Variants in RIPK4 observed in about 807,000 individuals in gnomAD.
The protein encoded by RIPK4 is receptor interacting serine/threonine kinase 4, also known as receptor-interacting serine/threonine-protein kinase 4.
A neutral mutation model predicts 42.9 loss-of-function variants in RIPK4; 17 were observed. The ratio of observed to expected loss-of-function variants is 0.40; its 90% CI spans 0.27 to 0.59. The LOEUF is 0.59. RIPK4 is among the 20% of genes least tolerant of loss of function. The pLI is 0.47. For synonymous variants in RIPK4, 498 were observed against 499.1 expected (o/e 1.00, Z 0.03); for missense variants, 897 against 1,104.4 (o/e 0.81, Z 2.66).
intron 1 of RIPK4, among the ~76,000 whole-genome samples, chr21:41,763,971 C>T (rs1204643985): frequency 2.0e-5 from 3 of 152,112 alleles, no homozygotes; most frequent in Non-Finnish European, 2.9e-5. Flanking sequence ...CCCTGTGACC[C>T]CCACAATGAG....
rs1284158495 is a variant in RIPK4 at position 41,767,048 on chromosome 21, C to G, written c.-7G>C. 5 of 1,541,772 alleles carry G rather than the reference C, an allele frequency of 3.2e-6. No individual in the cohort carries two copies. The highest frequency in any genetic ancestry group is 3.5e-6 in the Non-Finnish European group (4 of 1,150,804). On this transcript the variant is annotated 5_prime_UTR_variant, in exon 1 of 8. Transcript: ENST00000332512. The surrounding 1 kb of genome is among the most constrained non-coding windows in gnomAD (Gnocchi z 4.0). Reference sequence around the variant, plus strand: ...TCCCGCCGTCGCCCTCCATCGCGCACGTCTAGCCAGCGCCGCGGCGGCTGC... The same window carrying G: ...TCCCGCCGTCGCCCTCCATCGCGCAGGTCTAGCCAGCGCCGCGGCGGCTGC...
chr21:41,746,501 C>T (rs545422589), intron 5 of RIPK4, 112 bp downstream of exon 5: 4 of 1,328,308 alleles, frequency 3.0e-6, no homozygotes, highest in Non-Finnish European at 4.1e-6. Flanking sequence ...TTCGGCCCAC[C>T]TGTTACACGC....
In RIPK4 at chr21:41,751,469, C is replaced by CGGGCAG. The variant is rs2061188222; in HGVS notation, c.475-230_475-225dup. Among the ~76,000 whole-genome samples the CGGGCAG allele has an allele frequency of 1.3e-5, 2 of 152,176 alleles. No homozygotes were observed. Among genetic ancestry groups the CGGGCAG allele is most frequent in the Non-Finnish European group, 2.9e-5 (2 of 68,038 alleles). On this transcript the variant is annotated intron_variant, in intron 2 of 7. Coordinates refer to ENST00000332512, the MANE Select transcript of RIPK4 (RefSeq NM_020639.3). This position sits in a 1 kb window ranked among gnomAD's most constrained non-coding sequence, Gnocchi z 4.5. ...GAGGCATTAGGAGCAGCACATTTGA[C>CGGGCAG]GGGCAGGTGAAAGAATCGTACTGTA...
intron 1 of RIPK4, among the ~76,000 whole-genome samples, chr21:41,758,041 TAG>T (rs71188681): frequency 0.05 from 2,907 of 58,112 alleles, 125 homozygotes; most frequent in Middle Eastern, 0.057. Context: ...TATATATATA[TAG>T]AGAGAGAGAG....
chr21:41,758,466 A>G (rs2061211681), intron 1 of RIPK4, among the ~76,000 whole-genome samples: 1 of 152,232 alleles, frequency 6.6e-6, no homozygotes, highest in African/African-American at 2.4e-5. Context: ...TCGTGGGTGC[A>G]GGCCATTTCC....
intron 1 of RIPK4, among the ~76,000 whole-genome samples, chr21:41,757,321 G>T (rs2061206625): frequency 6.6e-6 from 1 of 151,998 alleles, no homozygotes; most frequent in Non-Finnish European, 1.5e-5. Context: ...AGGAGTTCGA[G>T]ACCAGCCTGG....
chr21:41,756,188 C>T (rs545287329), intron 2 of RIPK4, among the ~76,000 whole-genome samples: 4 of 152,294 alleles, frequency 2.6e-5, no homozygotes, highest in South Asian at 4.1e-4. Flanking sequence ...ACCTGGCCCA[C>T]GGGCTGAATT....
Position 41,742,399 on chromosome 21 carries a change from G to T in RIPK4, c.1196-402C>A, listed in dbSNP as rs1182515210. ...GGAAGCCTTGGCACCTGCCACCCAC[G>T]GACGCCCCAGGCCTAGCAGCCTGCA... is the stretch of plus-strand genomic sequence containing the variant. On this transcript the variant is annotated intron_variant, in intron 7 of 7. Transcript: ENST00000332512. The surrounding 1 kb of genome is among the most constrained non-coding windows in gnomAD (Gnocchi z 5.1). Among the ~76,000 whole-genome samples, 2 of 152,174 alleles carry T rather than the reference G, an allele frequency of 1.3e-5. No individual in the cohort carries two copies. Among genetic ancestry groups the T allele is most frequent in the African/African-American group, 4.8e-5 (2 of 41,434 alleles).
In RIPK4 at chr21:41,741,970, T is replaced by G; in HGVS notation, c.1223A>C (p.Lys408Thr). The G allele has an allele frequency of 6.2e-7, 1 of 1,603,342 alleles. No homozygotes were observed. The highest frequency in any genetic ancestry group is 1.1e-5 in the South Asian group (1 of 89,870). ...GGACACGATGGCATCCACAAGCTTCTTCTTCTGGACGTCTGTGGTGCCCAG... is the reference window on the plus strand; with the variant it reads ...GGACACGATGGCATCCACAAGCTTCGTCTTCTGGACGTCTGTGGTGCCCAG... ...SDLGTTDVQK[K>T]KLVDAIVSGD... The change falls in exon 8 of 8, where the codon AAG (lysine) becomes ACG (threonine). Residue 408 changes from lysine (K) to threonine (T), a missense_variant. Transcript: ENST00000332512.
Position 41,746,718 on chromosome 21 carries a change from C to T in RIPK4, c.727G>A (p.Glu243Lys), listed in dbSNP as rs762385012. 10 of 1,609,078 alleles carry T rather than the reference C, an allele frequency of 6.2e-6. No homozygotes were observed. In the African/African-American group the frequency reaches 6.7e-5, roughly 11 times the overall value. The change falls in exon 5 of 8, where the codon GAG (glutamate) becomes AAG (lysine). Residue 243 changes from glutamate (E) to lysine (K), a missense_variant. Coordinates refer to ENST00000332512, the MANE Select transcript of RIPK4 (RefSeq NM_020639.3). ...MVKVVKGHRP[E>K]LPPVCRARPR... ...CGGGCTCTGCACACGGGCGGCAGCT[C>T]GGGGCGGTGGCCCTTCACCACCTTC... is the stretch of plus-strand genomic sequence containing the variant.
rs773070455 is a variant in RIPK4, at chr21:41,741,512, C to G, written c.1681G>C (p.Val561Leu). 6.2e-7 allele frequency: 1 copy of G among 1,612,528 alleles called. No individual in the cohort carries two copies. The highest frequency in any genetic ancestry group is 1.7e-5 in the Admixed American group (1 of 60,018). ...TCCTTGCCCTGCAGGCTCACGTCCA[C>G]GCCTCGGCGCAGCAGGATGCGCACG... ...NIVRILLRRG[V>L]DVSLQGKDAW... The change falls in exon 8 of 8, where the codon GTG becomes CTG. Residue 561 changes from valine to leucine, a missense_variant. Coordinates refer to ENST00000332512, the MANE Select transcript of RIPK4 (RefSeq NM_020639.3).
Position 41,765,608 on chromosome 21 carries a change from C to T in RIPK4, c.182+1252G>A, listed in dbSNP as rs116965155. On this transcript the variant is annotated intron_variant, in intron 1 of 7. Coordinates refer to ENST00000332512, the MANE Select transcript of RIPK4 (RefSeq NM_020639.3). ...CACGCACTGCCACCCCAGACACAGG[C>T]ATCACAACGATTCTGCAGAAAAGCT... Among the ~76,000 whole-genome samples the T allele has an allele frequency of 4.0e-4, 61 of 152,338 alleles. 1 individual carries two copies. In the East Asian group the frequency reaches 0.011, roughly 27 times the overall value.
intron 3 of RIPK4, among the ~76,000 whole-genome samples, chr21:41,750,820 G>C (rs2061186222): frequency 6.6e-6 from 1 of 152,122 alleles, no homozygotes; most frequent in African/African-American, 2.4e-5. Flanking sequence ...TGGGACTACA[G>C]GTGCACGCCA....
rs1432468832 is a variant in RIPK4 at position 41,751,279 on chromosome 21, C to G, written c.475-34G>C. On this transcript the variant is annotated intron_variant, in intron 2 of 7. Coordinates refer to ENST00000332512, the MANE Select transcript of RIPK4 (RefSeq NM_020639.3). This position sits in a 1 kb window ranked among gnomAD's most constrained non-coding sequence, Gnocchi z 4.5. ...CAGCCATCAGAGCGGGGCTCATTAGCCTGCAACAGTGATATTTTATGATGC... is the reference window on the plus strand; with the variant it reads ...CAGCCATCAGAGCGGGGCTCATTAGGCTGCAACAGTGATATTTTATGATGC... The G allele has an allele frequency of 1.2e-6, 2 of 1,608,706 alleles. No individual in the cohort carries two copies. The highest frequency in any genetic ancestry group is 2.2e-5 in the South Asian group (2 of 90,610).
At chr21:41,760,534 G>A (rs1481842267) in intron 1 of RIPK4, among the ~76,000 whole-genome samples, 5 of 152,228 alleles carry the variant, frequency 3.3e-5, no homozygotes, top group South Asian at 2.1e-4. Flanking sequence ...AGGGGCACCC[G>A]GGAGGCCAGC....
chr21:41,749,176 G>A lies in RIPK4; in HGVS notation c.651C>T (p.Leu217=), dbSNP rs779147255. The change falls in exon 4 of 8, where the codon CTC becomes CTT. Residue 217 remains leucine (L), a synonymous_variant. Coordinates refer to ENST00000332512, the MANE Select transcript of RIPK4 (RefSeq NM_020639.3). ...CACCTGCAAACGGCTTCTTCTGTGT[G>A]AGCACGCCCCAGATGACGATCGCAA... ...YSFAIVIWGV[L]TQKKPFADEK... 5.0e-6 allele frequency: 8 copies of A among 1,613,774 alleles called. No individual in the cohort carries two copies. Among genetic ancestry groups the A allele is most frequent in the Non-Finnish European group, 5.1e-6 (6 of 1,179,928 alleles).
Position 41,743,900 on chromosome 21 carries a change from G to A in RIPK4, c.1177C>T (p.Arg393Trp), listed in dbSNP as rs141192148. 25 of 1,606,662 alleles carry A rather than the reference G, an allele frequency of 1.6e-5. No homozygotes were observed. The highest frequency in any genetic ancestry group is 2.7e-5 in the African/African-American group (2 of 74,614). The change falls in exon 7 of 8, where the codon CGG (arginine) becomes TGG (tryptophan). Residue 393 changes from arginine to tryptophan, a missense_variant. Physicochemically the swap from Arg to Trp is moderately radical, Grantham distance 101. Coordinates refer to ENST00000332512, the MANE Select transcript of RIPK4 (RefSeq NM_020639.3). ...CACTCACCGCTGGTTGAAGGTTCCC[G>A]CTCAAAGGACAGCGACAGTGATCCT... ...SRGSLSLSFE[R>W]EPSTSDLGTT...
At position 41,766,494 on chromosome 21, in the gene RIPK4, G is replaced by A. The variant is rs541576717; in HGVS notation, c.182+366C>T. 3.9e-3 allele frequency among the ~76,000 whole-genome samples: 592 copies of A among 152,292 alleles called. 4 individuals carry two copies. The highest frequency in any genetic ancestry group is 0.027 in the Middle Eastern group (8 of 292). On this transcript the variant is annotated intron_variant, in intron 1 of 7. Transcript: ENST00000332512. Reference sequence around the variant, plus strand: ...CCAAGGGCGCGGGTCCGAGGCGCAAGGCGAGCTGGAGACCCCGAAAACCAG... The same window carrying A: ...CCAAGGGCGCGGGTCCGAGGCGCAAAGCGAGCTGGAGACCCCGAAAACCAG...
rs371153250 is a variant in RIPK4 at position 41,746,082 on chromosome 21, G to A, written c.833-220C>T. The A allele has an allele frequency of 7.1e-4, 505 of 707,642 alleles. 1 individual carries two copies. Among genetic ancestry groups the A allele is most frequent in the Middle Eastern group, 4.2e-3 (18 of 4,312 alleles). The allele number at this position is 707,642 out of a possible 1,614,324, so 43.8% of individuals were successfully genotyped here. A position where few individuals can be genotyped will look rare whatever the true frequency, so the allele number is the denominator to read the frequency against. On this transcript the variant is annotated intron_variant, in intron 5 of 7. Coordinates refer to ENST00000332512, the MANE Select transcript of RIPK4 (RefSeq NM_020639.3). Reference sequence around the variant, plus strand: ...TTGAAGGCCTCACCAGACTCAAGGCGGAAGCCTTCCCCGGGGGAGCGCCAC... The same window carrying A: ...TTGAAGGCCTCACCAGACTCAAGGCAGAAGCCTTCCCCGGGGGAGCGCCAC...
Sources: gnomAD v4.1 joint callset for allele counts (sites outside exome capture counted in the v4.1 genomes callset) on GRCh38, gnomAD v4.1.1 for gene constraint, Gnocchi (gnomAD v3.1) non-coding constraint, MANE v1.5 for transcripts, NCBI Gene and HGNC (gene_info 2026-07-23, HGNC 2026-07-21) for gene names.